Variants in ARHGAP22 observed in about 807,000 individuals in gnomAD.
ARHGAP22 encodes the protein Rho GTPase activating protein 22.
In ARHGAP22, 48 loss-of-function variants were observed where a neutral mutation model predicts 59.1. The observed-to-expected ratio is 0.81, with a 90% CI of 0.64 to 1.03. The LOEUF (loss-of-function observed/expected upper bound fraction) is 1.03. Ranked by LOEUF, ARHGAP22 falls within the 50% of genes least tolerant of loss-of-function variation. ARHGAP22 has a pLI of 0.00. For synonymous variants in ARHGAP22, 445 were observed against 416.4 expected (o/e 1.07, Z -0.84); for missense variants, 1,015 against 958.7 (o/e 1.06, Z -0.78).
intron 1 of ARHGAP22, among the ~76,000 whole-genome samples, chr10:48,592,075 GA>G (rs1206921494): frequency 6.6e-6 from 1 of 152,158 alleles, no homozygotes; most frequent in Non-Finnish European, 1.5e-5. Flanking sequence ...ATTCACATTA[GA>G]AAAGACTTGA....
chr10:48,545,372 A>G (rs948701804), intron 3 of ARHGAP22, among the ~76,000 whole-genome samples: 2 of 152,226 alleles, frequency 1.3e-5, no homozygotes, highest in Non-Finnish European at 1.5e-5. Flanking sequence ...CTGAGCTGAG[A>G]GAAGTGAGGC....
At chr10:48,634,877 A>T (rs1300118418) in intron 1 of ARHGAP22, among the ~76,000 whole-genome samples, 1 of 152,336 alleles carries the variant, frequency 6.6e-6, no homozygotes, top group East Asian at 1.9e-4. Flanking sequence ...TAGAGTTCTT[A>T]TAAGCAGAGG....
At position 48,604,902 on chromosome 10, in the gene ARHGAP22, G is replaced by A; in HGVS notation, c.-106C>T. The A allele has an allele frequency of 6.3e-7, 1 of 1,586,792 alleles. No homozygotes were observed. The highest frequency in any genetic ancestry group is 1.3e-5 in the African/African-American group (1 of 74,142). ...GCCCCTCATGTCCTGCTCGTTCGGG[G>A]CCCCGTGGCCGCTGGCGTCACCCGT... On this transcript the variant is annotated 5_prime_UTR_variant, in exon 1 of 10. Coordinates refer to ENST00000249601, the MANE Select transcript of ARHGAP22 (RefSeq NM_021226.4).
intron 2 of ARHGAP22, among the ~76,000 whole-genome samples, chr10:48,566,609 G>A (rs1228919698): frequency 6.6e-6 from 1 of 152,196 alleles, no homozygotes; most frequent in Non-Finnish European, 1.5e-5. Context: ...TGCCACCTGT[G>A]AACCTGTGAA....
chr10:48,513,477 TA>T (rs1413232293), intron 3 of ARHGAP22, among the ~76,000 whole-genome samples: 1 of 152,182 alleles, frequency 6.6e-6, no homozygotes, highest in Non-Finnish European at 1.5e-5. Context: ...CACACAAACA[TA>T]CATGTGCAAA....
intron 3 of ARHGAP22, among the ~76,000 whole-genome samples, chr10:48,500,370 A>T (rs1431913834): frequency 6.6e-6 from 1 of 151,946 alleles, no homozygotes; most frequent in Non-Finnish European, 1.5e-5. Context: ...AACAACAAAA[A>T]CCTGAGTAGA....
rs151085571 is a variant in ARHGAP22 at position 48,583,019 on chromosome 10, C to T, written c.168G>A (p.Gln56=). 1.7e-4 allele frequency: 270 copies of T among 1,614,290 alleles called. No homozygotes were observed. The highest frequency in any genetic ancestry group is 2.0e-4 in the Non-Finnish European group (240 of 1,180,052). The stretch of plus-strand genomic sequence containing the variant: ...GATCCCCACGCAGCACAAACCAGCG[C>T]TGCTGCCAGTTCTTCATGATGCTCC... ...KQRSIMKNWQ[Q]RWFVLRGDQL... is the part of the protein sequence containing the mutation. The change falls in exon 2 of 10, where the codon CAG becomes CAA. Residue 56 remains glutamine, a synonymous_variant. Transcript: ENST00000249601.
chr10:48,647,574 G>A (rs949676084), intron 1 of ARHGAP22, among the ~76,000 whole-genome samples: 5 of 124,880 alleles, frequency 4.0e-5, no homozygotes, highest in African/African-American at 1.2e-4. Flanking sequence ...TGGAAACATT[G>A]GGACCCTTAT....
chr10:48,644,911 G>T (rs1332893449), intron 1 of ARHGAP22, among the ~76,000 whole-genome samples: 1 of 151,454 alleles, frequency 6.6e-6, no homozygotes. Flanking sequence ...AGAATAAAGA[G>T]AAATAAAATA....
chr10:48,617,266 A>G (rs1432935434), intron 1 of ARHGAP22, among the ~76,000 whole-genome samples: 1 of 152,014 alleles, frequency 6.6e-6, no homozygotes, highest in Non-Finnish European at 1.5e-5. Context: ...GTGAACTTCA[A>G]TACTTCAGTC....
chr10:48,472,194 C>A (rs1164819007), intron 4 of ARHGAP22, among the ~76,000 whole-genome samples: 2 of 150,536 alleles, frequency 1.3e-5, no homozygotes, highest in Non-Finnish European at 2.9e-5. Context: ...GGTGACAGAG[C>A]AAGACTCAGT....
the ARHGAP22 span, chr10:48,431,075 T>C: frequency 5.8e-6 from 4 of 687,110 alleles, no homozygotes; most frequent in African/African-American, 1.8e-5. Flanking sequence ...TGACTGTCAT[T>C]GTAAGGACAC....
In ARHGAP22 at chr10:48,450,374, C is replaced by T. The variant is rs1380771158; in HGVS notation, c.1755G>A (p.Pro585=). Residue 585 remains proline, a synonymous_variant, in exon 9 of 10, where the codon CCG becomes CCA. Transcript: ENST00000249601. ...AGASNSEPSE[P]DSPTREHARR... ...GCGCGTGTTCCCGGGTGGGGCTGTC[C>T]GGCTCGCTGGGCTCGCTGTTGCTGG... 1 of 1,581,204 alleles carries T rather than the reference C, an allele frequency of 6.3e-7. No individual in the cohort carries two copies. The highest frequency in any genetic ancestry group is 1.8e-5 in the Admixed American group (1 of 55,732).
At chr10:48,582,907 G>C in intron 2 of ARHGAP22, 46 bp downstream of exon 2, 1 of 1,600,482 alleles carries the variant, frequency 6.2e-7, no homozygotes. Context: ...CCCTCTTGTG[G>C]AGCCCTGCCA....
intron 4 of ARHGAP22, among the ~76,000 whole-genome samples, chr10:48,461,503 A>T (rs1005807107): frequency 6.6e-6 from 1 of 152,236 alleles, no homozygotes; most frequent in African/African-American, 2.4e-5. Flanking sequence ...GAATGATCTA[A>T]AACAATACAT....
intron 2 of ARHGAP22, among the ~76,000 whole-genome samples, chr10:48,573,456 A>G (rs774098374): frequency 5.9e-5 from 9 of 152,160 alleles, no homozygotes; most frequent in Non-Finnish European, 1.3e-4. Context: ...AAATTTAGAC[A>G]CCAGGTATTC....
intron 4 of ARHGAP22, among the ~76,000 whole-genome samples, chr10:48,465,470 G>T (rs576172551): frequency 6.6e-6 from 1 of 152,250 alleles, no homozygotes; most frequent in African/African-American, 2.4e-5. Flanking sequence ...ACCTTCCGGG[G>T]TGTGAGCGTC....
intron 3 of ARHGAP22, among the ~76,000 whole-genome samples, chr10:48,517,141 C>T (rs117494023): frequency 9.2e-5 from 14 of 152,230 alleles, no homozygotes; most frequent in Non-Finnish European, 1.5e-4. Context: ...GGGGTGATGA[C>T]AATGTTCTAA....
intron 1 of ARHGAP22, among the ~76,000 whole-genome samples, chr10:48,599,954 C>T (rs1425041030): frequency 6.6e-6 from 1 of 152,200 alleles, no homozygotes; most frequent in Non-Finnish European, 1.5e-5. Context: ...GACACGTCAG[C>T]CTCCATCTGC....
Sources: allele counts gnomAD v4.1 joint callset (sites outside exome capture counted in the v4.1 genomes callset), GRCh38; gene constraint gnomAD v4.1.1; transcripts MANE v1.5; gene names NCBI Gene and HGNC (gene_info 2026-07-23, HGNC 2026-07-21).